PKP4: variants seen among roughly 807,000 people sequenced by gnomAD.
PKP4 encodes the protein plakophilin-4.
A neutral mutation model predicts 145.1 loss-of-function variants in PKP4; 90 were observed. The ratio of observed to expected loss-of-function variants is 0.62; its 90% confidence interval spans 0.52 to 0.74. The LOEUF (loss-of-function observed/expected upper bound fraction) is 0.74, where lower values mean the gene tolerates loss of function less well. PKP4 is among the 30% of genes least tolerant of loss of function. The pLI is 0.00. For synonymous variants in PKP4, 563 were observed against 577.2 expected (o/e 0.98, Z 0.35); for missense variants, 1,340 against 1,482.7 (o/e 0.90, Z 1.58).
chr2:158,565,191 C>T (rs2046867677), intron 2 of PKP4, among the ~76,000 whole-genome samples: 1 of 152,114 alleles, frequency 6.6e-6, no homozygotes, highest in Non-Finnish European at 1.5e-5. Context: ...CCACAGATGG[C>T]ATTCATTCAG....
intron 3 of PKP4, among the ~76,000 whole-genome samples, chr2:158,597,852 G>A (rs990662374): frequency 3.3e-5 from 5 of 152,066 alleles, no homozygotes; most frequent in African/African-American, 1.2e-4. Flanking sequence ...TGTTGCCCAG[G>A]CTGGAGTGTG....
intron 6 of PKP4, among the ~76,000 whole-genome samples, chr2:158,623,660 G>T (rs562542447): frequency 7.2e-5 from 11 of 152,234 alleles, no homozygotes; most frequent in Non-Finnish European, 1.6e-4. Context: ...CAGCCCAGTT[G>T]CATGCGACAC....
At chr2:158,476,022 T>C (rs1692415067) in intron 1 of PKP4, among the ~76,000 whole-genome samples, 1 of 152,220 alleles carries the variant, frequency 6.6e-6, no homozygotes. Context: ...CTTCCTCTCA[T>C]AGAATTCGTT....
chr2:158,466,333 T>C (rs899849993), intron 1 of PKP4, among the ~76,000 whole-genome samples: 1 of 152,156 alleles, frequency 6.6e-6, no homozygotes, highest in African/African-American at 2.4e-5. Context: ...AAAAACTATT[T>C]AGACTTTAAA....
chr2:158,576,825 A>C (rs2047896972), intron 2 of PKP4, among the ~76,000 whole-genome samples: 1 of 151,908 alleles, frequency 6.6e-6, no homozygotes, highest in Non-Finnish European at 1.5e-5. Context: ...AGACTATATC[A>C]AACATGGTAA....
chr2:158,626,044 T>C (rs903442612), intron 7 of PKP4, among the ~76,000 whole-genome samples: 1 of 152,186 alleles, frequency 6.6e-6, no homozygotes, highest in African/African-American at 2.4e-5. Flanking sequence ...TCCTACATGG[T>C]GTAAAGATTT....
intron 2 of PKP4, among the ~76,000 whole-genome samples, chr2:158,538,264 A>G (rs1460052647): frequency 1.3e-5 from 2 of 152,162 alleles, no homozygotes; most frequent in Non-Finnish European, 2.9e-5. Flanking sequence ...TGTGCAGGGT[A>G]TTATTATCAA....
At chr2:158,509,391 A>T (rs2041295865) in intron 1 of PKP4, among the ~76,000 whole-genome samples, 1 of 152,224 alleles carries the variant, frequency 6.6e-6, no homozygotes, top group South Asian at 2.1e-4. Flanking sequence ...ATCAGAACAG[A>T]TATCTATATT....
intron 3 of PKP4, among the ~76,000 whole-genome samples, chr2:158,601,831 A>AT (rs1354617090): frequency 6.6e-6 from 1 of 152,190 alleles, no homozygotes; most frequent in Non-Finnish European, 1.5e-5. Flanking sequence ...TCATAACCAC[A>AT]TAATGACTTG....
rs112987538 is a variant in PKP4, at chr2:158,477,692, G to A, written c.-6+20474G>A. On this transcript the variant is annotated intron_variant, in intron 1 of 21. Coordinates refer to ENST00000389759, the MANE Select transcript of PKP4 (RefSeq NM_003628.6). ...GCAACAATATCCTGGTTTAAAAAATGGTTAAATTGGGGCATGATGGCACAT... is the reference window on the plus strand; with the variant it reads ...GCAACAATATCCTGGTTTAAAAAATAGTTAAATTGGGGCATGATGGCACAT... Among the ~76,000 whole-genome samples, 224 of 152,280 alleles carry A rather than the reference G, an allele frequency of 1.5e-3. 1 individual carries two copies. The highest frequency in any genetic ancestry group is 5.2e-3 in the African/African-American group (216 of 41,574).
chr2:158,668,284 T>TTTGGCTCTAATTTACCCAGTAC (rs2057283272), intron 16 of PKP4, among the ~76,000 whole-genome samples: 1 of 152,160 alleles, frequency 6.6e-6, no homozygotes, highest in African/African-American at 2.4e-5. Context: ...GGATTCAGTA[T>TTTGGCTCTAATTTACCCAGTAC]TTGGCTCTAA....
intron 8 of PKP4, among the ~76,000 whole-genome samples, 186 bp from the exon 9 acceptor site, chr2:158,633,884 T>C (rs182396829): frequency 2.0e-3 from 307 of 152,280 alleles, no homozygotes; most frequent in Non-Finnish European, 3.2e-3. Context: ...TAACAAAATA[T>C]TTATGTACAT....
chr2:158,655,690 C>T (rs911283687), intron 11 of PKP4, among the ~76,000 whole-genome samples: 3 of 152,224 alleles, frequency 2.0e-5, no homozygotes, highest in Admixed American at 1.3e-4. Flanking sequence ...TTGAGGAATT[C>T]GAAAGCTGTG....
chr2:158,484,891 G>C (rs1315730898), intron 1 of PKP4, among the ~76,000 whole-genome samples: 1 of 152,194 alleles, frequency 6.6e-6, no homozygotes, highest in Non-Finnish European at 1.5e-5. Flanking sequence ...AGTAGGAAAA[G>C]CTTTGCAGGT....
chr2:158,575,053 C>G (rs1424401174), intron 2 of PKP4, among the ~76,000 whole-genome samples: 2 of 152,144 alleles, frequency 1.3e-5, no homozygotes, highest in Admixed American at 1.3e-4. Context: ...TGAATTCCCA[C>G]ATTTGTTACA....
At chr2:158,484,839 C>T (rs540385246) in intron 1 of PKP4, among the ~76,000 whole-genome samples, 7 of 152,142 alleles carry the variant, frequency 4.6e-5, no homozygotes, top group Non-Finnish European at 8.8e-5. Flanking sequence ...AAGTGGGGTG[C>T]AAGCACAGCC....
chr2:158,518,342 G>T (rs2042094600), intron 1 of PKP4, among the ~76,000 whole-genome samples: 1 of 152,178 alleles, frequency 6.6e-6, no homozygotes, highest in Non-Finnish European at 1.5e-5. Context: ...TTCAGATGTT[G>T]CACAAGATCA....
At chr2:158,507,813 T>C (rs969210483) in intron 1 of PKP4, among the ~76,000 whole-genome samples, 2 of 151,904 alleles carry the variant, frequency 1.3e-5, no homozygotes, top group East Asian at 1.9e-4. Flanking sequence ...TTTCCTTGAG[T>C]GTGGATTGCT....
At chr2:158,461,599 A>G (rs952006986) in intron 1 of PKP4, among the ~76,000 whole-genome samples, 1 of 152,114 alleles carries the variant, frequency 6.6e-6, no homozygotes, top group African/African-American at 2.4e-5. Flanking sequence ...GTGGGTGCCA[A>G]TCCAGGTAGC....
Sources: gnomAD v4.1 joint callset for allele counts (sites outside exome capture counted in the v4.1 genomes callset) on GRCh38, gnomAD v4.1.1 for gene constraint, MANE v1.5 for transcripts, NCBI Gene and HGNC (gene_info 2026-07-23, HGNC 2026-07-21) for gene names.